Variants in ASIC5 observed in about 807,000 individuals in gnomAD.
The protein encoded by ASIC5 is acid sensing ion channel subunit family member 5.
ASIC5 carries 52 observed loss-of-function variants against 51.2 expected under a neutral mutation model. The ratio of observed to expected loss-of-function variants is 1.02; its 90% CI spans 0.81 to 1.28. The LOEUF is 1.28. ASIC5 is among the 50% of genes most tolerant of loss of function. The pLI is 0.00. For synonymous variants in ASIC5, 231 were observed against 200.7 expected (o/e 1.15, Z -1.28); for missense variants, 635 against 595.0 (o/e 1.07, Z -0.70).
chr4:155,856,332 C>A (rs1016097210), intron 2 of ASIC5, among the ~76,000 whole-genome samples: 9 of 152,168 alleles, frequency 5.9e-5, no homozygotes, highest in African/African-American at 1.9e-4. Flanking sequence ...ATTTTTCTTT[C>A]AAATTCAAGC....
intron 4 of ASIC5, 110 bp from the exon 5 acceptor site, chr4:155,843,940 AT>A: frequency 1.1e-6 from 1 of 939,406 alleles, no homozygotes; most frequent in Non-Finnish European, 1.6e-6. Context: ...AATCCTAAAT[AT>A]TTTATGTTAT....
At chr4:155,843,968 G>T in intron 4 of ASIC5, 138 bp from the exon 5 acceptor site, 1 of 843,344 alleles carries the variant, frequency 1.2e-6, no homozygotes, top group Non-Finnish European at 1.8e-6. Flanking sequence ...ATCTCTTTTT[G>T]TCTAAAGTGT....
intron 2 of ASIC5, among the ~76,000 whole-genome samples, chr4:155,860,909 A>G (rs1219583453): frequency 6.6e-6 from 1 of 151,758 alleles, no homozygotes; most frequent in Non-Finnish European, 1.5e-5. Context: ...CTTTCCCTAT[A>G]AGCACTGTTT....
chr4:155,857,879 G>C (rs1419277017), intron 2 of ASIC5, among the ~76,000 whole-genome samples: 3 of 151,966 alleles, frequency 2.0e-5, no homozygotes, highest in Non-Finnish European at 4.4e-5. Context: ...CTTTATATTT[G>C]TATGAGAAGC....
chr4:155,846,521 T>C (rs1397209750), intron 4 of ASIC5, among the ~76,000 whole-genome samples: 3 of 152,144 alleles, frequency 2.0e-5, no homozygotes, highest in Non-Finnish European at 4.4e-5. Flanking sequence ...TGTCTTTGTT[T>C]CAAACCTAAA....
intron 5 of ASIC5, 133 bp downstream of exon 5, chr4:155,843,548 A>G: frequency 1.0e-6 from 1 of 960,204 alleles, no homozygotes; most frequent in Non-Finnish European, 1.6e-6. Flanking sequence ...AAGGAAAATA[A>G]TCTGAAATGA....
At chr4:155,860,393 T>G (rs1014969678) in intron 2 of ASIC5, among the ~76,000 whole-genome samples, 1 of 151,932 alleles carries the variant, frequency 6.6e-6, no homozygotes, top group African/African-American at 2.4e-5. Flanking sequence ...TTCAAATTTT[T>G]TATATAGCAC....
rs755908351 is a variant in ASIC5 at position 155,863,608 on chromosome 4, C to T, written c.187G>A (p.Val63Met). The T allele has an allele frequency of 2.5e-6, 4 of 1,613,774 alleles. No individual in the cohort carries two copies. The highest frequency in any genetic ancestry group is 2.2e-5 in the East Asian group (1 of 44,828). ...IVQNRSKIRR[V>M]LWLVVVLGSV... The stretch of plus-strand genomic sequence containing the variant: ...CCCAGAACCACCACCAACCAGAGCA[C>T]CCTGCGAATTTTGCTCCGGTTCTGA... Residue 63 changes from valine to methionine, a missense_variant, in exon 2 of 10, where the codon GTG becomes ATG. Coordinates refer to ENST00000537611, the MANE Select transcript of ASIC5 (RefSeq NM_017419.3).
At chr4:155,846,095 T>C (rs1741236714) in intron 4 of ASIC5, among the ~76,000 whole-genome samples, 1 of 151,092 alleles carries the variant, frequency 6.6e-6, no homozygotes, top group Non-Finnish European at 1.5e-5. Context: ...TTAAATCATA[T>C]ATTTTATCAG....
chr4:155,845,242 A>G (rs1441311076), intron 4 of ASIC5, among the ~76,000 whole-genome samples: 1 of 152,100 alleles, frequency 6.6e-6, no homozygotes, highest in Non-Finnish European at 1.5e-5. Context: ...AATTTTTTTA[A>G]AGAAGCTCAG....
intron 6 of ASIC5, among the ~76,000 whole-genome samples, chr4:155,840,908 T>C (rs545044043): frequency 6.6e-6 from 1 of 151,602 alleles, no homozygotes; most frequent in Non-Finnish European, 1.5e-5. Flanking sequence ...AACAAAAATC[T>C]GGCCCATCTG....
At position 155,843,697 on chromosome 4, in the gene ASIC5, G is replaced by A. The variant is rs551731008; in HGVS notation, c.845C>T (p.Thr282Ile). 6.2e-7 allele frequency: 1 copy of A among 1,613,404 alleles called. No homozygotes were observed. Among genetic ancestry groups the A allele is most frequent in the Non-Finnish European group, 8.5e-7 (1 of 1,179,616 alleles). ...AGTATTTACCTTCACTTGGCGGATGGTTACCCTTGCGTGCATTCCCACAGG... is the reference window on the plus strand; with the variant it reads ...AGTATTTACCTTCACTTGGCGGATGATTACCCTTGCGTGCATTCCCACAGG... ...LSPVGMHARV[T>I]IRQVKTVHQE... is the part of the protein sequence containing the mutation. The change falls in exon 5 of 10, where the codon ACC becomes ATC. Residue 282 changes from threonine (T) to isoleucine (I), a missense_variant. Thr to Ile is a moderately conservative substitution (Grantham distance 89). Transcript: ENST00000537611.
At chr4:155,842,834 G>A (rs1189083054) in intron 5 of ASIC5, among the ~76,000 whole-genome samples, 2 of 151,908 alleles carry the variant, frequency 1.3e-5, no homozygotes, top group African/African-American at 2.4e-5. Flanking sequence ...AGAAGGGTGA[G>A]GAAAATGGAA....
Position 155,862,440 on chromosome 4 carries a change from C to T in ASIC5, c.347+1008G>A, listed in dbSNP as rs552120195. ...CATTTTATAAATATGAAAATTAACA[C>T]TAAGAAGGCTGAGTGACTTCCCTAA... On this transcript the variant is annotated intron_variant, in intron 2 of 9. Transcript: ENST00000537611. 2.6e-5 allele frequency among the ~76,000 whole-genome samples: 4 copies of T among 152,142 alleles called. No individual in the cohort carries two copies. In the South Asian group the frequency reaches 8.3e-4, roughly 32 times the overall value.
chr4:155,864,397 A>C (rs1442816406), intron 1 of ASIC5: 3 of 152,160 alleles, frequency 2.0e-5, no homozygotes, highest in Admixed American at 1.3e-4. Context: ...AATCAATAAT[A>C]TTTATTGATA....
At chr4:155,832,467 T>A (rs1468237599) in intron 8 of ASIC5, among the ~76,000 whole-genome samples, 2 of 152,228 alleles carry the variant, frequency 1.3e-5, no homozygotes, top group Non-Finnish European at 2.9e-5. Context: ...GTTTTCTTAA[T>A]GTCTGTTTGA....
At chr4:155,842,488 T>G (rs1379521637) in intron 5 of ASIC5, 134 bp from the exon 6 acceptor site, 6 of 753,748 alleles carry the variant, frequency 8.0e-6, no homozygotes, top group Non-Finnish European at 1.2e-5. Flanking sequence ...TGGTTACATT[T>G]GTCTATTTTG....
At chr4:155,845,135 G>T (rs778973794) in intron 4 of ASIC5, among the ~76,000 whole-genome samples, 2 of 151,850 alleles carry the variant, frequency 1.3e-5, no homozygotes, top group African/African-American at 4.8e-5. Flanking sequence ...CTACTAAAGG[G>T]GCTTTATTTA....
At chr4:155,859,885 T>C (rs1259460457) in intron 2 of ASIC5, among the ~76,000 whole-genome samples, 5 of 152,074 alleles carry the variant, frequency 3.3e-5, no homozygotes, top group Non-Finnish European at 7.4e-5. Context: ...AATTGTATTT[T>C]GCTTCAGGGG....
Sources: gnomAD v4.1 joint callset for allele counts (sites outside exome capture counted in the v4.1 genomes callset) on GRCh38, gnomAD v4.1.1 for gene constraint, MANE v1.5 for transcripts, NCBI Gene and HGNC (gene_info 2026-07-23, HGNC 2026-07-21) for gene names.